Variants in PDE4D observed in about 807,000 individuals in gnomAD.
PDE4D encodes the protein 3',5'-cyclic-AMP phosphodiesterase 4D.
In PDE4D, 24 loss-of-function variants were observed where a neutral mutation model predicts 87.4. The ratio of observed to expected loss-of-function variants is 0.27; its 90% CI spans 0.20 to 0.39. The LOEUF is 0.39. PDE4D is among the 10% of genes least tolerant of loss of function. PDE4D has a pLI of 1.00. For synonymous variants in PDE4D, 384 were observed against 383.2 expected (o/e 1.00, Z -0.02); for missense variants, 714 against 1,041.0 (o/e 0.69, Z 4.32).
At chr5:59,148,253 T>C (rs1166486887) in intron 5 of PDE4D, among the ~76,000 whole-genome samples, 1 of 152,150 alleles carries the variant, frequency 6.6e-6, no homozygotes, top group African/African-American at 2.4e-5. Flanking sequence ...CTTATTTCAG[T>C]TGAGGGTAGA....
rs566326227 is a variant in PDE4D at position 60,498,445 on chromosome 5, A to G, written n.70+23606T>C. Among the ~76,000 whole-genome samples, 4 of 152,312 alleles carry G rather than the reference A, an allele frequency of 2.6e-5. No homozygotes were observed. In the South Asian group the frequency reaches 8.3e-4, roughly 32 times the overall value. ...CATTGACTCTCTCTCCCAAAAGGCC[A>G]GAATTGTGTTAAAAAGGCATTATAA... On this transcript the variant is annotated intron_variant and non_coding_transcript_variant, in intron 1 of 2. Transcript: ENST00000506510.
intron 3 of PDE4D, among the ~76,000 whole-genome samples, chr5:59,947,917 G>C (rs1277920151): frequency 6.6e-6 from 1 of 152,170 alleles, no homozygotes; most frequent in Non-Finnish European, 1.5e-5. Context: ...TGAGGCAGGA[G>C]AATCACTTGA....
At chr5:59,758,874 A>G (rs1476067682) in intron 1 of PDE4D, among the ~76,000 whole-genome samples, 1 of 152,166 alleles carries the variant, frequency 6.6e-6, no homozygotes, top group African/African-American at 2.4e-5. Context: ...TTAATTAGTC[A>G]TTACTTTTTA....
At chr5:59,743,083 A>G (rs1288906495) in intron 1 of PDE4D, among the ~76,000 whole-genome samples, 1 of 152,190 alleles carries the variant, frequency 6.6e-6, no homozygotes, top group Non-Finnish European at 1.5e-5. Flanking sequence ...AAGTATTATA[A>G]GTTAGTACAT....
chr5:59,918,053 AAG>A (rs1392811860), intron 3 of PDE4D, among the ~76,000 whole-genome samples: 1 of 152,062 alleles, frequency 6.6e-6, no homozygotes, highest in Admixed American at 6.6e-5. Context: ...TTACACAAAA[AAG>A]AGAAAATTTG....
chr5:59,561,274 G>A (rs759257566), intron 1 of PDE4D, among the ~76,000 whole-genome samples: 5 of 152,154 alleles, frequency 3.3e-5, no homozygotes, highest in Non-Finnish European at 7.3e-5. Flanking sequence ...CCACAGTGGG[G>A]TCGTCCGTTA....
intron 1 of PDE4D, among the ~76,000 whole-genome samples, chr5:60,364,311 T>C (rs753127296): frequency 6.6e-6 from 1 of 152,186 alleles, no homozygotes; most frequent in Non-Finnish European, 1.5e-5. Flanking sequence ...CAGAAGATCA[T>C]TGTCAACTAC....
intron 1 of PDE4D, among the ~76,000 whole-genome samples, chr5:59,875,334 G>A (rs954902136): frequency 1.3e-5 from 2 of 151,548 alleles, no homozygotes; most frequent in Non-Finnish European, 2.9e-5. Context: ...GATGGCACTC[G>A]CCTGTAGTCC....
chr5:59,673,422 C>T (rs1216311196), intron 1 of PDE4D, among the ~76,000 whole-genome samples: 5 of 152,140 alleles, frequency 3.3e-5, no homozygotes, highest in African/African-American at 1.2e-4. Context: ...CACTTTTGTC[C>T]TCAGTAATGA....
At chr5:59,803,133 C>T (rs1023858181) in intron 1 of PDE4D, among the ~76,000 whole-genome samples, 6 of 152,016 alleles carry the variant, frequency 3.9e-5, no homozygotes, top group African/African-American at 1.5e-4. Context: ...CAGGGGAGTA[C>T]GGCACAGGAA....
At chr5:59,546,903 C>T (rs1282571082) in intron 1 of PDE4D, among the ~76,000 whole-genome samples, 1 of 152,102 alleles carries the variant, frequency 6.6e-6, no homozygotes, top group Non-Finnish European at 1.5e-5. Flanking sequence ...GGTGAGTATA[C>T]TCACTAACTT....
intron 1 of PDE4D, among the ~76,000 whole-genome samples, chr5:59,486,231 T>C (rs1197305939): frequency 6.6e-6 from 1 of 152,140 alleles, no homozygotes; most frequent in Non-Finnish European, 1.5e-5. Flanking sequence ...AAGAATGTCA[T>C]CTAGGAAACC....
intron 1 of PDE4D, among the ~76,000 whole-genome samples, chr5:59,887,554 TAA>T (rs1291473739): frequency 1.3e-5 from 2 of 152,214 alleles, no homozygotes; most frequent in African/African-American, 4.8e-5. Context: ...GAGAGGGACA[TAA>T]GTTTGTCCAT....
intron 1 of PDE4D, among the ~76,000 whole-genome samples, chr5:59,883,315 G>A (rs1260855900): frequency 6.6e-6 from 1 of 152,170 alleles, no homozygotes; most frequent in Non-Finnish European, 1.5e-5. Context: ...GGGTATTCAG[G>A]TGAGAACAAG....
In PDE4D at chr5:59,301,121, C is replaced by T. The variant is rs576420362; in HGVS notation, c.456-85153G>A. Among the ~76,000 whole-genome samples, 152 of 152,132 alleles carry T rather than the reference C, an allele frequency of 1.0e-3. 1 individual carries two copies. The highest frequency in any genetic ancestry group is 3.2e-3 in the African/African-American group (134 of 41,502). On this transcript the variant is annotated intron_variant, in intron 1 of 14. Transcript: ENST00000340635. ...CTGTCCTTCTGGGATTTTATGGAGG[C>T]TTCATGACATCAGCATTCCTTCCCC... is the stretch of plus-strand genomic sequence containing the variant.
intron 1 of PDE4D, among the ~76,000 whole-genome samples, chr5:60,325,934 T>C (rs1412521403): frequency 1.3e-5 from 2 of 152,146 alleles, no homozygotes; most frequent in African/African-American, 2.4e-5. Context: ...CCCTTGGGGA[T>C]TGGCTTTTTC....
At chr5:60,155,332 A>C (rs1582893819) in intron 2 of PDE4D, among the ~76,000 whole-genome samples, 1 of 152,212 alleles carries the variant, frequency 6.6e-6, no homozygotes, top group East Asian at 1.9e-4. Context: ...GGTTTTCCTC[A>C]ATGATTAGAT....
intron 1 of PDE4D, among the ~76,000 whole-genome samples, chr5:59,856,669 G>T (rs1177489750): frequency 6.6e-6 from 1 of 152,104 alleles, no homozygotes; most frequent in Non-Finnish European, 1.5e-5. Context: ...GAAAATAATG[G>T]ATCTGGCTGA....
Position 60,189,038 on chromosome 5 carries a change from T to C in PDE4D, c.-89-3351A>G, listed in dbSNP as rs377301325. Among the ~76,000 whole-genome samples, 18 of 152,308 alleles carry C rather than the reference T, an allele frequency of 1.2e-4. No homozygotes were observed. In the South Asian group the frequency reaches 2.5e-3, roughly 21 times the overall value. ...TTCTCTCTCAGCAAAGATAATGTGG[T>C]GAGACTGCAGAAAAGCTTTCTCCCT... On this transcript the variant is annotated intron_variant, in intron 1 of 16. Coordinates refer to the PDE4D transcript ENST00000502484.
Sources: allele counts gnomAD v4.1 joint callset (sites outside exome capture counted in the v4.1 genomes callset), GRCh38; gene constraint gnomAD v4.1.1; transcripts MANE v1.5; gene names NCBI Gene and HGNC (gene_info 2026-07-23, HGNC 2026-07-21).